The following PCDHA4 variants were observed in gnomAD, a reference collection of about 807,000 sequenced individuals.
PCDHA4 encodes protocadherin alpha-4.
Under a neutral mutation model 61.4 loss-of-function variants are expected in PCDHA4, and 49 were observed. The ratio of observed to expected loss-of-function variants is 0.80; its 90% CI spans 0.63 to 1.01. The LOEUF (loss-of-function observed/expected upper bound fraction) is 1.01. Ranked by LOEUF, PCDHA4 falls within the 50% of genes least tolerant of loss-of-function variation. PCDHA4 has a pLI of 0.00. For synonymous variants in PCDHA4, 590 were observed against 550.3 expected, an observed-to-expected ratio of 1.07 and a Z score of -1.01; for missense variants, 1,254 against 1,235.8, an observed-to-expected ratio of 1.01 and a Z score of -0.22.
chr5:140,865,144 T>G (rs2048753153), intron 1 of PCDHA4: 1 of 152,224 alleles, frequency 6.6e-6, no homozygotes, highest in East Asian at 1.9e-4. Context: ...AATTTAACAT[T>G]GTATACTTTT....
At chr5:140,848,653 G>A (rs2150416159) in intron 1 of PCDHA4, 1 of 1,592,724 alleles carries the variant, frequency 6.3e-7, no homozygotes, top group Admixed American at 1.7e-5. Context: ...CAGGACCTGG[G>A]GCTGGAGCTG....
intron 1 of PCDHA4, among the ~76,000 whole-genome samples, chr5:140,965,602 A>G (rs1319736678): frequency 6.6e-6 from 1 of 152,126 alleles, no homozygotes; most frequent in African/African-American, 2.4e-5. Context: ...AGACTCTTGA[A>G]GACATTGTCA....
intron 3 of PCDHA4, among the ~76,000 whole-genome samples, chr5:140,992,388 G>A (rs2097508351): frequency 6.6e-6 from 1 of 152,120 alleles, no homozygotes; most frequent in Non-Finnish European, 1.5e-5. Context: ...TTGTGTTCTG[G>A]ACTTAGAGAT....
intron 1 of PCDHA4, chr5:140,858,776 C>G (rs2045586511): frequency 2.4e-6 from 1 of 420,578 alleles, no homozygotes; most frequent in Admixed American, 4.3e-5. Context: ...GAGATTAGTA[C>G]TTCATGTTAT....
In PCDHA4 at chr5:140,870,550, G is replaced by A. The variant is rs371515299; in HGVS notation, c.2385+60978G>A. On this transcript the variant is annotated intron_variant, in intron 1 of 3. Transcript: ENST00000530339. ...CACAGTGTCGGCGCGGGACGCGGAC[G>A]CGCAGGAGAACGCGCTGGTGTCCTA... 3.1e-6 allele frequency: 5 copies of A among 1,614,066 alleles called. No homozygotes were observed. In the African/African-American group the frequency reaches 6.7e-5, roughly 22 times the overall value.
chr5:140,822,245 C>A, intron 1 of PCDHA4: 2 of 1,614,182 alleles, frequency 1.2e-6, no homozygotes, highest in Non-Finnish European at 1.7e-6. Context: ...GAGGGCGCGT[C>A]GGATTTGGAT....
At chr5:140,941,194 T>TTTCTTC (rs2092780236) in intron 1 of PCDHA4, among the ~76,000 whole-genome samples, 5 of 112,438 alleles carry the variant, frequency 4.4e-5, no homozygotes, top group African/African-American at 1.8e-4. Flanking sequence ...TCTTTTTTTT[T>TTTCTTC]CTTTCTTCCT....
intron 1 of PCDHA4, among the ~76,000 whole-genome samples, chr5:140,909,815 C>A (rs1168197798): frequency 3.9e-5 from 6 of 152,094 alleles, no homozygotes; most frequent in Non-Finnish European, 8.8e-5. Flanking sequence ...ACTCCATAAG[C>A]CCCTACTTTA....
chr5:140,856,236 TC>T (rs1554148438), intron 1 of PCDHA4: 2 of 1,597,912 alleles, frequency 1.3e-6, no homozygotes, highest in East Asian at 2.2e-5. Context: ...CAGCGCCTGT[TC>T]CGGGTGGCGT....
At chr5:140,907,239 C>T (rs1447900433) in intron 1 of PCDHA4, among the ~76,000 whole-genome samples, 1 of 152,200 alleles carries the variant, frequency 6.6e-6, no homozygotes, top group Non-Finnish European at 1.5e-5. Context: ...ACCTAGTTGA[C>T]ATTGTAATTG....
intron 1 of PCDHA4, among the ~76,000 whole-genome samples, chr5:140,897,430 C>T (rs1297820601): frequency 6.7e-6 from 1 of 148,618 alleles, no homozygotes; most frequent in Non-Finnish European, 1.5e-5. Context: ...TGAGTGAGAA[C>T]ATGCAGTGTT....
intron 1 of PCDHA4, among the ~76,000 whole-genome samples, chr5:140,941,215 C>CTT (rs782548958): frequency 1.2e-4 from 13 of 104,510 alleles, no homozygotes; most frequent in African/African-American, 4.4e-4. Flanking sequence ...TTCTTTCTTC[C>CTT]TTTCTTTCTT....
intron 1 of PCDHA4, chr5:140,966,588 G>A: frequency 3.6e-6 from 2 of 558,362 alleles, no homozygotes; most frequent in Non-Finnish European, 5.7e-6. Flanking sequence ...GAGGACGGTG[G>A]GGCCAGGAGC....
chr5:140,893,689 A>G (rs999117899), intron 1 of PCDHA4, among the ~76,000 whole-genome samples: 2 of 152,192 alleles, frequency 1.3e-5, no homozygotes, highest in Non-Finnish European at 2.9e-5. Context: ...ATATCATCTC[A>G]TTCTATCCTA....
chr5:140,966,589 GGCCAGGA>G (rs1554228448), intron 1 of PCDHA4: 2 of 580,716 alleles, frequency 3.4e-6, no homozygotes, highest in Non-Finnish European at 5.5e-6. Flanking sequence ...AGGACGGTGG[GGCCAGGA>G]GCCCTTGGGA....
chr5:140,975,953 T>C (rs1554237158), intron 1 of PCDHA4, among the ~76,000 whole-genome samples: 1 of 152,084 alleles, frequency 6.6e-6, no homozygotes, highest in East Asian at 1.9e-4. Flanking sequence ...CATATTAGAG[T>C]TCTTCACCAA....
At chr5:140,826,769 A>G (rs141336818) in intron 1 of PCDHA4, among the ~76,000 whole-genome samples, 1 of 152,326 alleles carries the variant, frequency 6.6e-6, no homozygotes, top group East Asian at 1.9e-4. Context: ...ATTGGAGAGT[A>G]ATTGAAAATA....
In PCDHA4 at chr5:140,844,917, G is replaced by T. The variant is rs2150375061; in HGVS notation, c.2385+35345G>T. On this transcript the variant is annotated intron_variant, in intron 1 of 3. Coordinates refer to ENST00000530339, the MANE Select transcript of PCDHA4 (RefSeq NM_018907.4). ...TGCTTTGGAGAGAATGGTAGAAATT[G>T]ATGGAAGGGAATGAACGATTTCTGG... 3.9e-4 allele frequency among the ~76,000 whole-genome samples: 58 copies of T among 149,480 alleles called. 5 individuals carry two copies. The highest frequency in any genetic ancestry group is 2.2e-3 in the Admixed American group (33 of 14,920).
intron 1 of PCDHA4, chr5:140,811,769 CAT>C (rs1764957001): frequency 6.6e-6 from 1 of 152,180 alleles, no homozygotes; most frequent in South Asian, 2.1e-4. Context: ...GGCATTTTTT[CAT>C]GTGTCTGTTG....
Sources: gnomAD v4.1 joint callset for allele counts (sites outside exome capture counted in the v4.1 genomes callset) on GRCh38, gnomAD v4.1.1 for gene constraint, MANE v1.5 for transcripts, NCBI Gene and HGNC (gene_info 2026-07-23, HGNC 2026-07-21) for gene names.